The following ZFHX3 variants were observed in gnomAD, a reference collection of about 807,000 sequenced individuals.
ZFHX3 encodes zinc finger homeobox 3.
In ZFHX3, 42 loss-of-function variants were observed where a neutral mutation model predicts 279.1. The ratio of observed to expected loss-of-function variants is 0.15; its 90% CI spans 0.12 to 0.19. ZFHX3 has a LOEUF of 0.19. ZFHX3 is among the 10% of genes least tolerant of loss of function. ZFHX3 has a pLI of 1.00. For missense variants in ZFHX3, 4,981 were observed against 4,754.0 expected (o/e 1.05, Z -1.40); for synonymous variants, 2,293 against 1,957.8 (o/e 1.17, Z -4.52).
chr16:72,822,014 CAA>C (rs1277546766), intron 5 of ZFHX3: 2 of 152,128 alleles, frequency 1.3e-5, no homozygotes, highest in Admixed American at 6.5e-5. Flanking sequence ...TTAAGACAAG[CAA>C]AGACACCTTA....
intron 2 of ZFHX3, among the ~76,000 whole-genome samples, chr16:73,593,551 CAGAAGAAAAGAAAAG>C (rs1423377938): frequency 9.3e-6 from 1 of 107,102 alleles, no homozygotes; most frequent in Non-Finnish European, 1.7e-5. Context: ...ATATAGTATT[CAGAAGAAAAGAAAAG>C]AGAAGAAAAG....
intron 1 of ZFHX3, among the ~76,000 whole-genome samples, chr16:73,041,034 C>T (rs561782278): frequency 1.4e-4 from 21 of 152,330 alleles, no homozygotes; most frequent in African/African-American, 4.8e-4. Flanking sequence ...AAAGAGTGGG[C>T]TTTTTTGATT....
rs34647860 is a variant in ZFHX3 at position 72,898,746 on chromosome 16, CAA to C, written c.3217-8786_3217-8785del. On this transcript the variant is annotated intron_variant, in intron 3 of 9. Coordinates refer to ENST00000268489, the MANE Select transcript of ZFHX3 (RefSeq NM_006885.4). ...TGGGAGCAAATTATTAACCCTGTCTCAAAAAAAAAAAAAAAAAAGTGTGTGTA... is the reference window on the plus strand; with the variant it reads ...TGGGAGCAAATTATTAACCCTGTCTCAAAAAAAAAAAAAAAAGTGTGTGTA... Among the ~76,000 whole-genome samples, 174 of 128,070 alleles carry C rather than the reference CAA, an allele frequency of 1.4e-3. 1 individual carries two copies. In the Middle Eastern group the frequency reaches 0.017, roughly 12 times the overall value. The allele number at this position is 128,070 out of a possible 152,430, so 84.0% of individuals were successfully genotyped here.
chr16:72,980,407 C>G (rs910193768), intron 1 of ZFHX3, among the ~76,000 whole-genome samples: 1 of 152,036 alleles, frequency 6.6e-6, no homozygotes, highest in African/African-American at 2.4e-5. Flanking sequence ...ATGTAAAAAG[C>G]CATTTTGGGG....
At chr16:73,709,371 AGAG>A (rs1334882144) in intron 1 of ZFHX3, among the ~76,000 whole-genome samples, 139 of 151,332 alleles carry the variant, frequency 9.2e-4, no homozygotes, top group African/African-American at 3.0e-3. Flanking sequence ...AGAGAGAGAG[AGAG>A]ATCCTGTCTC....
chr16:73,499,985 T>C (rs1326111361), intron 2 of ZFHX3: 4 of 152,240 alleles, frequency 2.6e-5, no homozygotes, highest in Non-Finnish European at 5.9e-5. Context: ...CACATACAAT[T>C]ATATACAGTA....
chr16:73,611,167 T>A (rs1468920256), intron 2 of ZFHX3, among the ~76,000 whole-genome samples: 1 of 152,134 alleles, frequency 6.6e-6, no homozygotes, highest in Non-Finnish European at 1.5e-5. Flanking sequence ...TTTTTTGAGT[T>A]TTTGATGACT....
intron 2 of ZFHX3, among the ~76,000 whole-genome samples, chr16:73,648,210 T>A (rs2052638368): frequency 6.6e-6 from 1 of 152,204 alleles, no homozygotes; most frequent in Non-Finnish European, 1.5e-5. Flanking sequence ...GACTGATGCA[T>A]TATTTTAATT....
At chr16:73,017,138 A>T (rs1361403704) in intron 1 of ZFHX3, among the ~76,000 whole-genome samples, 1 of 151,678 alleles carries the variant, frequency 6.6e-6, no homozygotes, top group East Asian at 1.9e-4. Flanking sequence ...TGAGGCAGGA[A>T]GATCACCTCC....
chr16:73,884,620 G>A (rs74450576), intron 1 of ZFHX3, among the ~76,000 whole-genome samples: 3,752 of 152,256 alleles, frequency 0.025, 76 homozygotes, highest in Middle Eastern at 0.051. Context: ...AAATGACCAC[G>A]GTTGACAGCT....
Position 73,188,288 on chromosome 16 carries a change from G to C in ZFHX3, c.-1103-44457C>G, listed in dbSNP as rs868436254. ...TACCTTACTGCAGCCTCTAACTCCT[G>C]GGCTGCAGCGATCCTCCGGCCTCGG... On this transcript the variant is annotated intron_variant, in intron 5 of 17. Coordinates refer to the ZFHX3 transcript ENST00000641206. Among the ~76,000 whole-genome samples the C allele has an allele frequency of 2.3e-4, 35 of 152,038 alleles. 1 individual carries two copies. The Middle Eastern group carries it at 0.017, about 74-fold the overall frequency.
intron 8 of ZFHX3, among the ~76,000 whole-genome samples, chr16:73,078,394 G>T (rs191635848): frequency 2.4e-3 from 358 of 152,098 alleles, no homozygotes; most frequent in Non-Finnish European, 3.9e-3. Context: ...GGTACTTCTG[G>T]GTATCTCTAG....
chr16:73,041,818 T>A (rs552666069), intron 1 of ZFHX3, among the ~76,000 whole-genome samples: 1 of 152,266 alleles, frequency 6.6e-6, no homozygotes, highest in African/African-American at 2.4e-5. Context: ...CAAGGCCAAA[T>A]GTACATTAAG....
chr16:72,960,257 G>C, intron 1 of ZFHX3, 63 bp from the exon 2 acceptor site: 1 of 1,361,270 alleles, frequency 7.3e-7, no homozygotes, highest in Non-Finnish European at 9.8e-7. Context: ...AAGGAAAGAG[G>C]TTAGGAGGGC....
intron 1 of ZFHX3, among the ~76,000 whole-genome samples, chr16:73,888,786 A>T (rs1400575252): frequency 6.6e-6 from 1 of 152,256 alleles, no homozygotes; most frequent in Non-Finnish European, 1.5e-5. Context: ...TGTAAGCAGA[A>T]ACAATTCAGA....
intron 2 of ZFHX3, among the ~76,000 whole-genome samples, chr16:73,589,259 CAAAAAAAAAAAAAAAAAAAA>C (rs34481194): frequency 6.5e-5 from 2 of 30,934 alleles, no homozygotes; most frequent in African/African-American, 2.8e-4. Context: ...GATTCTGTCT[CAAAAAAAAAAAAAAAAAAAA>C]AAAAAAAAAA....
At chr16:73,856,390 C>T (rs1961727808) in intron 1 of ZFHX3, among the ~76,000 whole-genome samples, 1 of 152,158 alleles carries the variant, frequency 6.6e-6, no homozygotes, top group South Asian at 2.1e-4. Flanking sequence ...GGTATTCAAA[C>T]TTAACTCCTT....
At chr16:73,633,910 G>T (rs775528749) in intron 2 of ZFHX3, among the ~76,000 whole-genome samples, 1 of 151,802 alleles carries the variant, frequency 6.6e-6, no homozygotes, top group African/African-American at 2.4e-5. Flanking sequence ...AAAAAAAAAG[G>T]CTTATTTAAG....
intron 2 of ZFHX3, among the ~76,000 whole-genome samples, chr16:73,670,792 C>A (rs1478345419): frequency 6.6e-6 from 1 of 152,152 alleles, no homozygotes; most frequent in Non-Finnish European, 1.5e-5. Context: ...TGGTAAATAT[C>A]AATCAATCCA....
Sources: allele counts gnomAD v4.1 joint callset (sites outside exome capture counted in the v4.1 genomes callset), GRCh38; gene constraint gnomAD v4.1.1; transcripts MANE v1.5; gene names NCBI Gene and HGNC (gene_info 2026-07-23, HGNC 2026-07-21).